XK: variants seen among roughly 807,000 people sequenced by gnomAD.
The protein encoded by XK is X-linked Kx blood group antigen, Kell and VPS13A binding protein, also known as endoplasmic reticulum membrane adapter protein XK.
Under a neutral mutation model 14.0 loss-of-function variants are expected in XK, and 2 were observed. That is an observed-to-expected ratio of 0.14 (90% CI 0.06 to 0.45). The LOEUF (loss-of-function observed/expected upper bound fraction) is 0.45, where lower values mean the gene tolerates loss of function less well. Among genes scored for constraint, XK ranks in the 20% least tolerant of loss-of-function variants. The pLI is 0.98. For synonymous variants in XK, 149 were observed against 147.5 expected (o/e 1.01, Z -0.08); for missense variants, 235 against 341.5 (o/e 0.69, Z 2.46).
At chrX:37,720,889 C>T (rs1427298639) in intron 2 of XK, among the ~76,000 whole-genome samples, 1 of 111,319 alleles carries the variant, frequency 9.0e-6, no homozygotes, top group Non-Finnish European at 1.9e-5. Flanking sequence ...CATTATATAT[C>T]GCATTTTCTT....
At chrX:37,697,679 T>C (rs1364039963) in intron 2 of XK, among the ~76,000 whole-genome samples, 1 of 112,296 alleles carries the variant, frequency 8.9e-6, no homozygotes, top group Admixed American at 9.4e-5. Context: ...ATAATTCATA[T>C]AACATAAATT....
At chrX:37,696,502 G>A (rs1471958321) in intron 2 of XK, among the ~76,000 whole-genome samples, 3 of 112,313 alleles carry the variant, frequency 2.7e-5, no homozygotes, top group Non-Finnish European at 5.6e-5. Context: ...AAGATAGATG[G>A]CTGCCATTTA....
chrX:37,718,073 C>T (rs1471224063), intron 2 of XK, among the ~76,000 whole-genome samples: 1 of 111,275 alleles, frequency 9.0e-6, no homozygotes, highest in Non-Finnish European at 1.9e-5. Context: ...TTTTCAAATA[C>T]ATATTATTAT....
Position 37,685,897 on chromosome X carries a change from G to GCCGCCA in XK, c.-63_-58dup. The GCCGCCA allele has an allele frequency of 8.7e-7, 1 of 1,143,897 alleles. No homozygotes were observed. Among genetic ancestry groups the GCCGCCA allele is most frequent in the Non-Finnish European group, 1.2e-6 (1 of 857,839 alleles). The allele number at this position is 1,143,897 out of a possible 1,213,427, so 94.3% of individuals were successfully genotyped here. A position where few individuals can be genotyped will look rare whatever the true frequency, so the allele number is the denominator to read the frequency against. On this transcript the variant is annotated 5_prime_UTR_variant, in exon 1 of 3. Coordinates refer to ENST00000378616, the MANE Select transcript of XK (RefSeq NM_021083.4). ...GGGAGCCCCTCGGGCAACGGCCGCC[G>GCCGCCA]CCGCCACAGCCACACAGCCGCCGCC...
At chrX:37,687,914 A>G (rs2146807573) in intron 1 of XK, among the ~76,000 whole-genome samples, 1 of 110,775 alleles carries the variant, frequency 9.0e-6, no homozygotes, top group South Asian at 3.9e-4. Context: ...TGCAACCTGG[A>G]GCCATTTAGT....
At chrX:37,694,795 G>T (rs782326142) in intron 2 of XK, among the ~76,000 whole-genome samples, 1 of 111,991 alleles carries the variant, frequency 8.9e-6, no homozygotes, top group African/African-American at 3.2e-5. Flanking sequence ...GTGGCTCAAA[G>T]GTAGGGGGCT....
At chrX:37,690,888 A>G (rs782064468) in intron 1 of XK, among the ~76,000 whole-genome samples, 1 of 112,516 alleles carries the variant, frequency 8.9e-6, no homozygotes, top group Non-Finnish European at 1.9e-5. Flanking sequence ...TCAAGCAACA[A>G]ACAAATAAAA....
intron 2 of XK, among the ~76,000 whole-genome samples, chrX:37,709,754 C>T (rs1342256892): frequency 8.9e-6 from 1 of 112,060 alleles, no homozygotes; most frequent in East Asian, 2.8e-4. Context: ...ATATGCCAAT[C>T]AGAATAGAAC....
chrX:37,708,303 A>T (rs1468737484), intron 2 of XK, among the ~76,000 whole-genome samples: 2 of 111,878 alleles, frequency 1.8e-5, no homozygotes, highest in Non-Finnish European at 3.8e-5. Flanking sequence ...AGACAATGTG[A>T]GGAGTGAAAC....
intron 2 of XK, among the ~76,000 whole-genome samples, chrX:37,724,822 TAA>T (rs374119011): frequency 3.0e-5 from 3 of 100,531 alleles, no homozygotes; most frequent in Admixed American, 2.1e-4. Context: ...AACAATCAAG[TAA>T]AAAAAAAAAT....
intron 2 of XK, among the ~76,000 whole-genome samples, chrX:37,705,867 C>T (rs1161498343): frequency 9.3e-6 from 1 of 108,053 alleles, no homozygotes; most frequent in African/African-American, 3.4e-5. Context: ...ATCCTCCCCA[C>T]TGAGCCTCCC....
At chrX:37,693,193 A>G (rs929962883) in intron 1 of XK, among the ~76,000 whole-genome samples, 2 of 112,264 alleles carry the variant, frequency 1.8e-5, no homozygotes, top group East Asian at 5.6e-4. Context: ...TAAACATTCA[A>G]TGAAATAGAT....
At chrX:37,715,411 A>AT (rs1176989966) in intron 2 of XK, among the ~76,000 whole-genome samples, 7 of 110,847 alleles carry the variant, frequency 6.3e-5, no homozygotes, top group Non-Finnish European at 1.3e-4. Context: ...TGAAACTTGC[A>AT]TTTTTTTTCA....
chrX:37,686,527 A>G (rs1365003087), intron 1 of XK, among the ~76,000 whole-genome samples: 1 of 112,317 alleles, frequency 8.9e-6, no homozygotes, highest in Non-Finnish European at 1.9e-5. Flanking sequence ...CTCTGGGGTC[A>G]AGTAGGCTCT....
chrX:37,709,435 G>T (rs6610555), intron 2 of XK, among the ~76,000 whole-genome samples: 34,928 of 111,033 alleles, frequency 0.31, 6,187 homozygotes, highest in African/African-American at 0.7. Context: ...ACAGGAGTAA[G>T]TCTAGCTCAT....
intron 2 of XK, among the ~76,000 whole-genome samples, chrX:37,713,282 C>A (rs1927701753): frequency 9.0e-6 from 1 of 111,509 alleles, no homozygotes; most frequent in African/African-American, 3.3e-5. Flanking sequence ...CCATGTGGAC[C>A]TCTCTTGGCT....
intron 2 of XK, among the ~76,000 whole-genome samples, chrX:37,707,285 G>A (rs1407513544): frequency 1.6e-4 from 18 of 109,604 alleles, no homozygotes; most frequent in African/African-American, 1.0e-4. Flanking sequence ...CCTCCCAGAC[G>A]GGGCGGCTGG....
chrX:37,731,596 T>A lies in XK; in HGVS notation c.*3134T>A, dbSNP rs1470895866. On this transcript the variant is annotated 3_prime_UTR_variant, in exon 3 of 3. Transcript: ENST00000378616. ...AATCCATAAGCAGGTTATTTTTATT[T>A]TTTTACTGTTTGAAAAGAAATAAGT... 1 of 112,454 alleles carries A rather than the reference T, an allele frequency of 8.9e-6. No homozygotes were observed. Among genetic ancestry groups the A allele is most frequent in the Non-Finnish European group, 1.9e-5 (1 of 53,259 alleles). 9.3% of individuals were successfully genotyped at this position (112,454 alleles called of 1,213,427 possible).
At chrX:37,716,477 A>G (rs1458560199) in intron 2 of XK, among the ~76,000 whole-genome samples, 1 of 111,988 alleles carries the variant, frequency 8.9e-6, no homozygotes, top group Non-Finnish European at 1.9e-5. Flanking sequence ...GCATGCAAAT[A>G]TTTGTGAGTG....
Sources: gnomAD v4.1 joint callset for allele counts (sites outside exome capture counted in the v4.1 genomes callset) on GRCh38, gnomAD v4.1.1 for gene constraint, MANE v1.5 for transcripts, NCBI Gene and HGNC (gene_info 2026-07-23, HGNC 2026-07-21) for gene names.